The following VAV3 variants were observed in gnomAD, a reference collection of about 807,000 sequenced individuals.
VAV3 encodes guanine nucleotide exchange factor VAV3.
A neutral mutation model predicts 131.2 loss-of-function variants in VAV3; 94 were observed. That is an observed-to-expected ratio of 0.72 (90% CI 0.61 to 0.85). The LOEUF is 0.85. Among genes scored for constraint, VAV3 ranks in the 40% least tolerant of loss-of-function variants. The pLI is 0.00. For missense variants in VAV3, 939 were observed against 1,002.7 expected (o/e 0.94, Z 0.86); for synonymous variants, 349 against 342.0 (o/e 1.02, Z -0.22).
At chr1:107,799,285 C>T (rs2102296734) in intron 2 of VAV3, among the ~76,000 whole-genome samples, 2 of 149,158 alleles carry the variant, frequency 1.3e-5, no homozygotes, top group South Asian at 2.1e-4. Flanking sequence ...CTTTATTTGC[C>T]TTTTCTGTTT....
intron 1 of VAV3, among the ~76,000 whole-genome samples, chr1:107,938,245 G>A (rs764017495): frequency 2.6e-5 from 4 of 152,274 alleles, no homozygotes; most frequent in East Asian, 1.9e-4. Context: ...AACCAACTTC[G>A]AGAAATGTCC....
chr1:107,857,322 G>T (rs1669522561), intron 2 of VAV3, among the ~76,000 whole-genome samples: 1 of 152,172 alleles, frequency 6.6e-6, no homozygotes, highest in South Asian at 2.1e-4. Flanking sequence ...TTCAGCTTTG[G>T]CATTCAGACT....
chr1:107,789,626 A>G (rs1356786909), intron 2 of VAV3, among the ~76,000 whole-genome samples: 1 of 152,236 alleles, frequency 6.6e-6, no homozygotes, highest in Non-Finnish European at 1.5e-5. Context: ...AAATGCAGAT[A>G]AATGAATTCA....
intron 2 of VAV3, chr1:107,785,476 A>G: frequency 7.5e-7 from 1 of 1,325,628 alleles, no homozygotes; most frequent in Non-Finnish European, 9.9e-7. Flanking sequence ...GGGCTCTGCA[A>G]GGGCAATCAG....
At chr1:107,921,242 C>T (rs1672886021) in intron 1 of VAV3, among the ~76,000 whole-genome samples, 1 of 152,204 alleles carries the variant, frequency 6.6e-6, no homozygotes, top group African/African-American at 2.4e-5. Context: ...TTCCTCTGGG[C>T]CTTCACTCTC....
chr1:107,857,522 G>A (rs1571051557), intron 2 of VAV3, among the ~76,000 whole-genome samples: 1 of 152,064 alleles, frequency 6.6e-6, no homozygotes, highest in East Asian at 1.9e-4. Flanking sequence ...GACAATGAAT[G>A]GTACAGGTTT....
chr1:107,623,823 G>GA (rs1653787750), intron 20 of VAV3, among the ~76,000 whole-genome samples: 1 of 152,166 alleles, frequency 6.6e-6, no homozygotes, highest in African/African-American at 2.4e-5. Flanking sequence ...TATAAACAGT[G>GA]AAAGTTCATG....
intron 25 of VAV3, among the ~76,000 whole-genome samples, chr1:107,583,129 A>G (rs1281772658): frequency 1.3e-5 from 2 of 152,086 alleles, no homozygotes; most frequent in Non-Finnish European, 2.9e-5. Context: ...ATGGTATCTC[A>G]CTGTGGTTTT....
At chr1:107,713,039 C>G (rs1660878552) in intron 15 of VAV3, among the ~76,000 whole-genome samples, 1 of 152,128 alleles carries the variant, frequency 6.6e-6, no homozygotes, top group South Asian at 2.1e-4. Context: ...GATTTCTATT[C>G]ACATTTTTAT....
At chr1:107,812,216 T>A (rs560360232) in intron 2 of VAV3, among the ~76,000 whole-genome samples, 1 of 152,300 alleles carries the variant, frequency 6.6e-6, no homozygotes, top group South Asian at 2.1e-4. Flanking sequence ...TACAATGCTG[T>A]CAGATACTGC....
Position 107,603,057 on chromosome 1 carries a change from T to C in VAV3, c.2122A>G (p.Ile708Val), listed in dbSNP as rs777853487. 7 of 1,611,602 alleles carry C rather than the reference T, an allele frequency of 4.3e-6. No homozygotes were observed. The highest frequency in any genetic ancestry group is 1.7e-5 in the Admixed American group (1 of 59,974). The stretch of plus-strand genomic sequence containing the variant: ...ACTTGTCCTACTTACTTAATGCTAA[T>C]TGCATATTCTCCTGACTCTTTGGTC... ...HRTKESGEYA[I>V]SIKYNNEAKH... is the part of the protein sequence containing the mutation. The change falls in exon 23 of 27, where the codon ATT (isoleucine) becomes GTT (valine). Residue 708 changes from isoleucine to valine, a missense_variant. Ile to Val is a conservative substitution (Grantham distance 29). Transcript: ENST00000370056.
intron 19 of VAV3, among the ~76,000 whole-genome samples, chr1:107,656,388 C>T (rs1195312964): frequency 2.6e-5 from 4 of 152,076 alleles, no homozygotes; most frequent in Admixed American, 6.6e-5. Context: ...TGCATGTTCT[C>T]CCTCCTATGT....
chr1:107,602,322 C>A, intron 24 of VAV3, 75 bp downstream of exon 24: 1 of 1,088,708 alleles, frequency 9.2e-7, no homozygotes, highest in Non-Finnish European at 1.3e-6. Context: ...TTCCAAGAAA[C>A]TATAGAATTA....
intron 2 of VAV3, among the ~76,000 whole-genome samples, chr1:107,789,174 G>A (rs1483119474): frequency 1.3e-5 from 2 of 152,172 alleles, no homozygotes; most frequent in African/African-American, 2.4e-5. Flanking sequence ...AAAGTTTAAC[G>A]AATGCTCAGA....
intron 15 of VAV3, among the ~76,000 whole-genome samples, chr1:107,717,060 T>C (rs1364673955): frequency 2.0e-5 from 3 of 152,210 alleles, no homozygotes; most frequent in Admixed American, 2.0e-4. Context: ...AGGTAGTTTG[T>C]ATTTCTGTGG....
chr1:107,634,231 G>C (rs933827932), intron 20 of VAV3, among the ~76,000 whole-genome samples: 1 of 152,038 alleles, frequency 6.6e-6, no homozygotes, highest in African/African-American at 2.4e-5. Flanking sequence ...ATACTACAAG[G>C]CTACAGTAAC....
At chr1:107,662,149 AT>A (rs1657066389) in intron 19 of VAV3, among the ~76,000 whole-genome samples, 1 of 152,222 alleles carries the variant, frequency 6.6e-6, no homozygotes, top group Non-Finnish European at 1.5e-5. Flanking sequence ...ATGAATTGCT[AT>A]GATTTTTTCA....
At chr1:107,737,591 G>A (rs902807290) in intron 15 of VAV3, among the ~76,000 whole-genome samples, 3 of 152,158 alleles carry the variant, frequency 2.0e-5, no homozygotes, top group Non-Finnish European at 2.9e-5. Context: ...GCAGCCAACA[G>A]ACACATGAAA....
intron 15 of VAV3, among the ~76,000 whole-genome samples, chr1:107,746,073 T>C (rs1663325635): frequency 6.6e-6 from 1 of 152,192 alleles, no homozygotes; most frequent in Non-Finnish European, 1.5e-5. Context: ...TAATAATGGA[T>C]AAGCAGCAAA....
Sources: gnomAD v4.1 joint callset for allele counts (sites outside exome capture counted in the v4.1 genomes callset) on GRCh38, gnomAD v4.1.1 for gene constraint, MANE v1.5 for transcripts, NCBI Gene and HGNC (gene_info 2026-07-23, HGNC 2026-07-21) for gene names.